Variants in EIF2B3 observed in about 807,000 individuals in gnomAD.
EIF2B3 encodes eukaryotic translation initiation factor 2B subunit gamma, also known as translation initiation factor eIF2B subunit gamma.
In EIF2B3, 20 loss-of-function variants were observed where a neutral mutation model predicts 54.1. The ratio of observed to expected loss-of-function variants is 0.37; its 90% CI spans 0.26 to 0.54. The LOEUF is 0.54. Among genes scored for constraint, EIF2B3 ranks in the 20% least tolerant of loss-of-function variants. EIF2B3 has a pLI of 0.86. For synonymous variants in EIF2B3, 153 were observed against 188.1 expected, an observed-to-expected ratio of 0.81 and a Z score of 1.52; for missense variants, 448 against 547.8, an observed-to-expected ratio of 0.82 and a Z score of 1.82.
intron 5 of EIF2B3, among the ~76,000 whole-genome samples, chr1:44,904,578 A>G (rs1042562228): frequency 1.3e-5 from 2 of 152,116 alleles, no homozygotes; most frequent in African/African-American, 4.8e-5. Context: ...CAGTGGCACA[A>G]TCTCGGCTCA....
At chr1:44,857,621 T>G (rs1035872675) in intron 11 of EIF2B3, 83 bp downstream of exon 11, 1 of 1,328,474 alleles carries the variant, frequency 7.5e-7, no homozygotes. Context: ...ATGTGCTTGT[T>G]TCCCACATCC....
At chr1:44,857,937 C>T (rs1313007960) in intron 10 of EIF2B3, 130 bp from the exon 11 acceptor site, 2 of 816,816 alleles carry the variant, frequency 2.4e-6, no homozygotes, top group Non-Finnish European at 4.2e-6. Context: ...CTACGTGCCT[C>T]AAGTTATCAG....
chr1:44,974,478 A>G (rs1644433580), intron 3 of EIF2B3, among the ~76,000 whole-genome samples: 2 of 151,144 alleles, frequency 1.3e-5, no homozygotes, highest in South Asian at 4.2e-4. Flanking sequence ...TGGTCTAAAA[A>G]AAAAAAAAAG....
chr1:44,977,181 A>G (rs941312527), intron 3 of EIF2B3, among the ~76,000 whole-genome samples: 15 of 152,216 alleles, frequency 9.9e-5, no homozygotes, highest in Non-Finnish European at 1.8e-4. Flanking sequence ...TTTTCCAAAG[A>G]AAAACAATTT....
intron 5 of EIF2B3, among the ~76,000 whole-genome samples, chr1:44,910,647 TTTTTTTTTTTA>T (rs1355999195): frequency 2.5e-5 from 3 of 122,178 alleles, no homozygotes; most frequent in Non-Finnish European, 4.9e-5. Flanking sequence ...TTTTTTTTTT[TTTTTTTTTTTA>T]AAAGAGAGAA....
In EIF2B3 at chr1:44,874,413, T is replaced by C. The variant is rs905408981; in HGVS notation, c.1202+265A>G. The C allele has an allele frequency of 8.2e-5, 39 of 476,052 alleles. No individual in the cohort carries two copies. In the Admixed American group the frequency reaches 1.5e-3, roughly 18 times the overall value. 29.5% of individuals were successfully genotyped at this position (476,052 alleles called of 1,614,324 possible). ...TCATTCTTATCTCTGTTCACTGTTA[T>C]CCCATGGATTCTTTTTGCCCTTTTT... On this transcript the variant is annotated intron_variant, in intron 10 of 11. Transcript: ENST00000360403.
intron 10 of EIF2B3, among the ~76,000 whole-genome samples, chr1:44,872,175 G>C (rs1654986954): frequency 6.6e-6 from 1 of 152,146 alleles, no homozygotes; most frequent in African/African-American, 2.4e-5. Flanking sequence ...TGAGACTACT[G>C]ATGTATGCCA....
At chr1:44,954,912 TGA>T (rs1644205842) in intron 3 of EIF2B3, among the ~76,000 whole-genome samples, 1 of 152,232 alleles carries the variant, frequency 6.6e-6, no homozygotes. Flanking sequence ...CCTAGTTTAC[TGA>T]GAGTTTTTTA....
In EIF2B3 at chr1:44,850,835, C is replaced by T. The variant is rs1654246483; in HGVS notation, c.*116G>A. ...AGCTTTGGACTGCTCCACAAGTCTC[C>T]AGCATGCCTTTGGAAGCCCTTCTTT... is the stretch of plus-strand genomic sequence containing the variant. On this transcript the variant is annotated 3_prime_UTR_variant, in exon 12 of 12. Transcript: ENST00000360403. 2.5e-6 allele frequency: 3 copies of T among 1,182,574 alleles called. No individual in the cohort carries two copies. The highest frequency in any genetic ancestry group is 3.8e-6 in the Non-Finnish European group (3 of 792,232). The allele number at this position is 1,182,574 out of a possible 1,614,324, so 73.3% of individuals were successfully genotyped here.
intron 5 of EIF2B3, among the ~76,000 whole-genome samples, chr1:44,922,905 G>A (rs903781995): frequency 7.3e-6 from 1 of 136,858 alleles, no homozygotes; most frequent in Admixed American, 8.2e-5. Context: ...GAGTGCAGCG[G>A]CACCATCTCG....
intron 8 of EIF2B3, among the ~76,000 whole-genome samples, chr1:44,877,984 A>G (rs1276127667): frequency 6.6e-6 from 1 of 152,082 alleles, no homozygotes; most frequent in Non-Finnish European, 1.5e-5. Context: ...CAGCATGCTC[A>G]CTCGAGAGCA....
intron 11 of EIF2B3, 128 bp downstream of exon 11, chr1:44,857,576 C>T (rs1654470191): frequency 1.1e-6 from 1 of 885,630 alleles, no homozygotes; most frequent in South Asian, 1.4e-5. Context: ...CCAAAGATGG[C>T]TTTATCAATT....
At chr1:44,858,129 T>C (rs570262472) in intron 10 of EIF2B3, among the ~76,000 whole-genome samples, 1 of 146,180 alleles carries the variant, frequency 6.8e-6, no homozygotes, top group Admixed American at 7.3e-5. Context: ...TGGAGTGCAG[T>C]GGTGTGATCA....
At chr1:44,964,175 T>C (rs1644313675) in intron 3 of EIF2B3, among the ~76,000 whole-genome samples, 1 of 150,654 alleles carries the variant, frequency 6.6e-6, no homozygotes, top group Non-Finnish European at 1.5e-5. Flanking sequence ...ATCCAACTCG[T>C]TTCTGCCAGT....
intron 10 of EIF2B3, among the ~76,000 whole-genome samples, chr1:44,861,209 A>G (rs1286561835): frequency 6.6e-6 from 1 of 152,190 alleles, no homozygotes; most frequent in African/African-American, 2.4e-5. Flanking sequence ...CAGTCCAGTA[A>G]GCAGTTAGGG....
intron 5 of EIF2B3, among the ~76,000 whole-genome samples, chr1:44,900,189 GT>G (rs1386046203): frequency 1.3e-5 from 2 of 152,182 alleles, no homozygotes; most frequent in Admixed American, 1.3e-4. Context: ...GCTCACACCT[GT>G]AATCCCAGCA....
chr1:44,949,053 C>A (rs901062332), intron 3 of EIF2B3, among the ~76,000 whole-genome samples: 3 of 152,022 alleles, frequency 2.0e-5, no homozygotes, highest in African/African-American at 7.2e-5. Flanking sequence ...ATTTTTAGTA[C>A]AGACAGTGTT....
intron 5 of EIF2B3, among the ~76,000 whole-genome samples, chr1:44,899,712 G>C (rs1569658562): frequency 6.6e-6 from 1 of 152,150 alleles, no homozygotes; most frequent in Admixed American, 6.5e-5. Context: ...TGGAGAAAAA[G>C]AAATGTTTAT....
rs564998712 is a variant in EIF2B3 at position 44,903,440 on chromosome 1, A to G, written c.567-5996T>C. ...GTCTGCTCCCTTCTTCCCCATTCCCAGCATCATCATGTGTGTGGGAGGAAC... is the reference window on the plus strand; with the variant it reads ...GTCTGCTCCCTTCTTCCCCATTCCCGGCATCATCATGTGTGTGGGAGGAAC... On this transcript the variant is annotated intron_variant, in intron 5 of 11. Transcript: ENST00000360403. Among the ~76,000 whole-genome samples the G allele has an allele frequency of 5.9e-5, 9 of 152,302 alleles. No homozygotes were observed. In the South Asian group the frequency reaches 1.9e-3, roughly 32 times the overall value.
Sources: gnomAD v4.1 joint callset for allele counts (sites outside exome capture counted in the v4.1 genomes callset) on GRCh38, gnomAD v4.1.1 for gene constraint, MANE v1.5 for transcripts, NCBI Gene and HGNC (gene_info 2026-07-23, HGNC 2026-07-21) for gene names.